Variants in PIK3CB observed in about 807,000 individuals in gnomAD.
PIK3CB encodes the protein phosphatidylinositol-4,5-bisphosphate 3-kinase catalytic subunit beta.
PIK3CB carries 39 observed loss-of-function variants against 136.8 expected under a neutral mutation model. The observed-to-expected ratio is 0.29, with a 90% confidence interval of 0.22 to 0.37. PIK3CB has a LOEUF of 0.37. PIK3CB is among the 10% of genes least tolerant of loss of function. The pLI is 1.00. For synonymous variants in PIK3CB, 428 were observed against 436.6 expected (o/e 0.98, Z 0.25); for missense variants, 868 against 1,275.4 (o/e 0.68, Z 4.87).
At chr3:138,779,065 A>G (rs1202689329) in intron 2 of PIK3CB, among the ~76,000 whole-genome samples, 2 of 149,348 alleles carry the variant, frequency 1.3e-5, no homozygotes, top group Admixed American at 6.8e-5. Flanking sequence ...TTCCAAATAT[A>G]TATCTTACTC....
At chr3:138,670,979 G>C (rs2043521210) in intron 19 of PIK3CB, among the ~76,000 whole-genome samples, 2 of 151,990 alleles carry the variant, frequency 1.3e-5, no homozygotes, top group South Asian at 2.1e-4. Context: ...GGAAATTTAG[G>C]TATTTTAGGC....
At position 138,691,112 on chromosome 3, in the gene PIK3CB, G is replaced by A; in HGVS notation, c.1924C>T (p.Leu642=). The change falls in exon 15 of 24, where the codon CTG becomes TTG. Residue 642 remains leucine, a synonymous_variant. Transcript: ENST00000674063. ...GGCTCATATTTTAACACTTGCACCA[G>A]TTGTAAAAGATATTGAGAAAGTTCT... ...DEELSQYLLQ[L]VQVLKYEPFL... 6.2e-7 allele frequency: 1 copy of A among 1,613,030 alleles called. No individual in the cohort carries two copies. The highest frequency in any genetic ancestry group is 8.5e-7 in the Non-Finnish European group (1 of 1,179,236).
At chr3:138,672,910 G>GA (rs748631273) in intron 19 of PIK3CB, among the ~76,000 whole-genome samples, 788 of 60,958 alleles carry the variant, frequency 0.013, 18 homozygotes, top group African/African-American at 0.034. Flanking sequence ...AGACTCCGTT[G>GA]AAAAAAAAAA....
chr3:138,766,251 G>C (rs1210224138), intron 2 of PIK3CB, among the ~76,000 whole-genome samples: 1 of 152,044 alleles, frequency 6.6e-6, no homozygotes, highest in Non-Finnish European at 1.5e-5. Flanking sequence ...AATTTAAATA[G>C]GCTGAAGAAC....
intron 2 of PIK3CB, among the ~76,000 whole-genome samples, chr3:138,786,595 CT>C (rs1355007486): frequency 6.6e-6 from 1 of 152,134 alleles, no homozygotes; most frequent in Non-Finnish European, 1.5e-5. Context: ...ATCCACCCAC[CT>C]CGGCCTCCCA....
At chr3:138,668,898 T>C (rs2043468974) in intron 19 of PIK3CB, among the ~76,000 whole-genome samples, 1 of 152,200 alleles carries the variant, frequency 6.6e-6, no homozygotes, top group Non-Finnish European at 1.5e-5. Context: ...ATATATTATT[T>C]AGCTTCTACT....
At chr3:138,815,714 A>G (rs1933296360) in intron 1 of PIK3CB, among the ~76,000 whole-genome samples, 2 of 152,204 alleles carry the variant, frequency 1.3e-5, no homozygotes, top group Admixed American at 1.3e-4. Context: ...TAGAACATAC[A>G]GTAGTACACA....
At chr3:138,689,023 G>T in intron 15 of PIK3CB, 49 bp from the exon 16 acceptor site, 1 of 1,098,318 alleles carries the variant, frequency 9.1e-7, no homozygotes, top group Non-Finnish European at 1.4e-6. Flanking sequence ...AAACACTTCA[G>T]ATCACCGAAT....
chr3:138,822,613 G>T, intron 1 of PIK3CB, among the ~76,000 whole-genome samples: 1 of 149,756 alleles, frequency 6.7e-6, no homozygotes, highest in Non-Finnish European at 1.5e-5. Flanking sequence ...AGGCTGAGGT[G>T]GGTGGATCAC....
chr3:138,685,102 G>A (rs974031671), intron 16 of PIK3CB: 10 of 264,828 alleles, frequency 3.8e-5, no homozygotes, highest in African/African-American at 1.8e-4. Flanking sequence ...ATGTGGGCCA[G>A]GTGCGCACTA....
intron 1 of PIK3CB, among the ~76,000 whole-genome samples, chr3:138,816,793 T>A (rs3933836): frequency 0.99 from 151,116 of 152,250 alleles, 75,014 homozygotes; most frequent in East Asian, 1. Context: ...ATGTACCATA[T>A]TAGGACCAAT....
At chr3:138,731,490 T>A (rs1056885658) in intron 8 of PIK3CB, among the ~76,000 whole-genome samples, 1 of 151,798 alleles carries the variant, frequency 6.6e-6, no homozygotes, top group African/African-American at 2.4e-5. Context: ...TGGACTCAAA[T>A]GATCTGCCCG....
rs759710753 is a variant in PIK3CB at position 138,664,009 on chromosome 3, A to G, written c.2693T>C (p.Ile898Thr). The change falls in exon 21 of 24, where the codon ATT (isoleucine) becomes ACT (threonine). Residue 898 changes from isoleucine (I) to threonine (T), a missense_variant. Ile to Thr is a moderately conservative substitution (Grantham distance 89). This residue lies in a region of PIK3CB where 165 missense variants were observed against 295.4 expected (regional missense o/e 0.56). Coordinates refer to ENST00000674063, the MANE Select transcript of PIK3CB (RefSeq NM_006219.3). Reference sequence around the variant, plus strand: ...AGCACAGGACAGTGTAAATTCCTCAATGGCTCGGTCCAGGTCATCCCTGAA... The same window carrying G: ...AGCACAGGACAGTGTAAATTCCTCAGTGGCTCGGTCCAGGTCATCCCTGAA... Reference protein sequence around the residue: ...YNSGDDLDRAIEEFTLSCAGY... With the variant: ...YNSGDDLDRATEEFTLSCAGY... The G allele has an allele frequency of 1.9e-6, 3 of 1,613,728 alleles. No individual in the cohort carries two copies. Among genetic ancestry groups the G allele is most frequent in the African/African-American group, 2.7e-5 (2 of 74,898 alleles).
chr3:138,765,179 G>A (rs1174196918), intron 2 of PIK3CB, among the ~76,000 whole-genome samples: 1 of 152,098 alleles, frequency 6.6e-6, no homozygotes, highest in Non-Finnish European at 1.5e-5. Flanking sequence ...AATTAGCTGG[G>A]CGTGATGGCT....
chr3:138,693,959 ATATATATT>A (rs1252132307), intron 14 of PIK3CB, among the ~76,000 whole-genome samples: 1 of 34,720 alleles, frequency 2.9e-5, no homozygotes, highest in African/African-American at 2.2e-4. Flanking sequence ...ATATATATAT[ATATATATT>A]ATATATATAT....
chr3:138,784,643 C>T (rs1576411801), intron 2 of PIK3CB, among the ~76,000 whole-genome samples: 1 of 152,062 alleles, frequency 6.6e-6, no homozygotes, highest in Admixed American at 6.5e-5. Flanking sequence ...GTTGGCTGGG[C>T]TGGTCTCCAG....
chr3:138,677,900 C>CA (rs1285074922), intron 19 of PIK3CB, among the ~76,000 whole-genome samples: 12 of 151,200 alleles, frequency 7.9e-5, no homozygotes, highest in South Asian at 2.1e-4. Context: ...CCGTTTCAAA[C>CA]AAAAAAAACT....
chr3:138,823,545 A>T (rs1007445538), intron 1 of PIK3CB, among the ~76,000 whole-genome samples: 20 of 152,064 alleles, frequency 1.3e-4, no homozygotes, highest in Non-Finnish European at 2.5e-4. Flanking sequence ...TCTACTAAAA[A>T]TACAAAAATT....
chr3:138,717,742 A>G (rs771021467), intron 8 of PIK3CB, among the ~76,000 whole-genome samples: 44 of 152,126 alleles, frequency 2.9e-4, no homozygotes, highest in Middle Eastern at 3.2e-3. Flanking sequence ...CTTTGTGTTC[A>G]TAAGTTCTTA....
Sources: allele counts gnomAD v4.1 joint callset (sites outside exome capture counted in the v4.1 genomes callset), GRCh38; gene constraint gnomAD v4.1.1; regional missense constraint gnomAD v4.1.1; transcripts MANE v1.5; gene names NCBI Gene and HGNC (gene_info 2026-07-23, HGNC 2026-07-21).